AUTS2: variants seen among roughly 807,000 people sequenced by gnomAD.
AUTS2 encodes the protein activator of transcription and developmental regulator AUTS2, also known as autism susceptibility gene 2 protein.
In AUTS2, 17 loss-of-function variants were observed where a neutral mutation model predicts 112.4. The ratio of observed to expected loss-of-function variants is 0.15; its 90% CI spans 0.10 to 0.23. AUTS2 has a LOEUF of 0.23. Among genes scored for constraint, AUTS2 ranks in the 10% least tolerant of loss-of-function variants. The pLI is 1.00. For missense variants in AUTS2, 1,510 were observed against 1,701.6 expected, an observed-to-expected ratio of 0.89 and a Z score of 1.98; for synonymous variants, 751 against 702.7, an observed-to-expected ratio of 1.07 and a Z score of -1.09.
At chr7:70,687,024 A>C (rs1161100253) in intron 5 of AUTS2, among the ~76,000 whole-genome samples, 4 of 152,130 alleles carry the variant, frequency 2.6e-5, no homozygotes, top group African/African-American at 9.7e-5. Context: ...CATTTTGTAT[A>C]CATTTTCATT....
intron 4 of AUTS2, among the ~76,000 whole-genome samples, chr7:70,374,547 A>T (rs1319898250): frequency 6.6e-6 from 1 of 152,220 alleles, no homozygotes; most frequent in African/African-American, 2.4e-5. Context: ...TTAGTTTGAT[A>T]TGTAGTCAAA....
At chr7:70,154,962 CT>C (rs1239954447) in intron 4 of AUTS2, among the ~76,000 whole-genome samples, 2 of 152,274 alleles carry the variant, frequency 1.3e-5, no homozygotes, top group East Asian at 1.9e-4. Context: ...CAGAGCCCCC[CT>C]GGGACCTGCT....
chr7:70,677,337 C>T (rs765728949), intron 5 of AUTS2, among the ~76,000 whole-genome samples: 3 of 152,198 alleles, frequency 2.0e-5, no homozygotes, highest in Non-Finnish European at 4.4e-5. Context: ...AAATTTCTGA[C>T]CGTGGCTAGG....
intron 1 of AUTS2, among the ~76,000 whole-genome samples, chr7:69,866,191 ACTC>A (rs1793223908): frequency 6.6e-6 from 1 of 151,706 alleles, no homozygotes; most frequent in South Asian, 2.1e-4. Context: ...TCTGCCTACT[ACTC>A]CAAAGCCTTC....
intron 2 of AUTS2, among the ~76,000 whole-genome samples, chr7:70,038,794 G>A (rs1360833008): frequency 3.9e-5 from 6 of 152,052 alleles, no homozygotes; most frequent in African/African-American, 7.2e-5. Context: ...TTTTTGAAAC[G>A]GAGTCTCACC....
chr7:69,884,894 A>T (rs537954641), intron 1 of AUTS2, among the ~76,000 whole-genome samples: 1 of 152,196 alleles, frequency 6.6e-6, no homozygotes, highest in Non-Finnish European at 1.5e-5. Context: ...TATTTGGTCT[A>T]TGTCTCAGGT....
chr7:70,715,313 A>G (rs961571485), intron 6 of AUTS2, among the ~76,000 whole-genome samples: 12 of 152,142 alleles, frequency 7.9e-5, no homozygotes, highest in Admixed American at 2.0e-4. Flanking sequence ...AATTGGAGGG[A>G]CAAAATATCT....
At chr7:69,726,395 C>A (rs1392632204) in intron 1 of AUTS2, among the ~76,000 whole-genome samples, 1 of 151,968 alleles carries the variant, frequency 6.6e-6, no homozygotes, top group Non-Finnish European at 1.5e-5. Flanking sequence ...CTGAATAGTA[C>A]CCTGTTGTAC....
intron 1 of AUTS2, among the ~76,000 whole-genome samples, chr7:69,776,023 C>T (rs1197773965): frequency 6.6e-6 from 1 of 152,132 alleles, no homozygotes; most frequent in Non-Finnish European, 1.5e-5. Context: ...TTGGGTCACT[C>T]CTGTGGTCTC....
chr7:70,364,464 G>A (rs1188946837), intron 4 of AUTS2, among the ~76,000 whole-genome samples: 3 of 151,928 alleles, frequency 2.0e-5, no homozygotes, highest in Non-Finnish European at 4.4e-5. Flanking sequence ...TACTTGGGAA[G>A]CTGAGGCAGG....
rs116056578 is a variant in AUTS2 at position 70,532,198 on chromosome 7, C to T, written c.690+96417C>T. Among the ~76,000 whole-genome samples, 988 of 152,244 alleles carry T rather than the reference C, an allele frequency of 6.5e-3. 14 individuals carry two copies. Among genetic ancestry groups the T allele is most frequent in the African/African-American group, 0.023 (948 of 41,524 alleles). On this transcript the variant is annotated intron_variant, in intron 5 of 18. Coordinates refer to ENST00000342771, the MANE Select transcript of AUTS2 (RefSeq NM_015570.4). The stretch of plus-strand genomic sequence containing the variant: ...GCACTTTGCAAGCTTCAGCTTGTAT[C>T]GCGTTGCTGATGAGCCACTGGCCAA...
intron 1 of AUTS2, among the ~76,000 whole-genome samples, chr7:69,836,635 GAGT>G (rs1791737879): frequency 6.6e-6 from 1 of 152,072 alleles, no homozygotes; most frequent in Admixed American, 6.6e-5. Flanking sequence ...ACGCATTGAG[GAGT>G]AAAGTCACCA....
chr7:69,663,664 T>C (rs1451735004), intron 1 of AUTS2, among the ~76,000 whole-genome samples: 1 of 152,188 alleles, frequency 6.6e-6, no homozygotes, highest in African/African-American at 2.4e-5. Flanking sequence ...GTATTCAGGT[T>C]CATGGCAAGG....
At position 70,730,698 on chromosome 7, in the gene AUTS2, A is replaced by G. The variant is rs1787335215; in HGVS notation, c.742+32078A>G. 2.0e-5 allele frequency among the ~76,000 whole-genome samples: 3 copies of G among 152,116 alleles called. No homozygotes were observed. The South Asian group carries it at 6.2e-4, about 31-fold the overall frequency. ...GCTTCTATTTTTTTGGCTACTTTGA[A>G]TAATGCTGCCGTGAACATTCATGCA... On this transcript the variant is annotated intron_variant, in intron 6 of 18. Transcript: ENST00000342771.
intron 1 of AUTS2, among the ~76,000 whole-genome samples, chr7:69,721,161 T>C (rs1028650775): frequency 1.3e-5 from 2 of 152,202 alleles, no homozygotes; most frequent in Non-Finnish European, 2.9e-5. Context: ...TGATGCTCCA[T>C]GCAGTTTTGC....
intron 2 of AUTS2, among the ~76,000 whole-genome samples, chr7:70,005,032 C>G (rs1219488893): frequency 6.6e-6 from 1 of 151,994 alleles, no homozygotes; most frequent in Non-Finnish European, 1.5e-5. Context: ...ACCATGTTGG[C>G]CAGGCTGGTC....
intron 6 of AUTS2, among the ~76,000 whole-genome samples, chr7:70,723,111 A>G (rs1786795289): frequency 6.6e-6 from 1 of 152,172 alleles, no homozygotes; most frequent in African/African-American, 2.4e-5. Flanking sequence ...GTCACCTGCA[A>G]TGGGTGGTGT....
At chr7:70,753,553 T>C (rs2129555692) in intron 6 of AUTS2, among the ~76,000 whole-genome samples, 1 of 152,324 alleles carries the variant, frequency 6.6e-6, no homozygotes, top group South Asian at 2.1e-4. Context: ...CTGAATGTCA[T>C]CCTTCCATTC....
intron 4 of AUTS2, among the ~76,000 whole-genome samples, chr7:70,254,683 GCTC>G (rs1786766398): frequency 6.6e-6 from 1 of 152,066 alleles, no homozygotes; most frequent in Non-Finnish European, 1.5e-5. Flanking sequence ...CTTGTTATGA[GCTC>G]CTTTTGTAGT....
Sources: allele counts gnomAD v4.1 joint callset (sites outside exome capture counted in the v4.1 genomes callset), GRCh38; gene constraint gnomAD v4.1.1; transcripts MANE v1.5; gene names NCBI Gene and HGNC (gene_info 2026-07-23, HGNC 2026-07-21).